The following PPP1R36 variants were observed in gnomAD, a reference collection of about 807,000 sequenced individuals.
PPP1R36 encodes chromosome 14 open reading frame 50.
In PPP1R36, 47 loss-of-function variants were observed where a neutral mutation model predicts 53.4. The ratio of observed to expected loss-of-function variants is 0.88; its 90% CI spans 0.70 to 1.12. The LOEUF is 1.12. Among genes scored for constraint, PPP1R36 ranks in the 50% most tolerant of loss-of-function variants. The pLI is 0.00. For synonymous variants in PPP1R36, 153 were observed against 170.5 expected (o/e 0.90, Z 0.80); for missense variants, 456 against 513.9 (o/e 0.89, Z 1.09).
chr14:64,563,727 A>G (rs1455511488), intron 3 of PPP1R36, among the ~76,000 whole-genome samples: 1 of 152,206 alleles, frequency 6.6e-6, no homozygotes, highest in Non-Finnish European at 1.5e-5. Flanking sequence ...GTTGAGGGGA[A>G]GTGCTTCTAT....
chr14:64,586,838 G>A lies in PPP1R36; in HGVS notation c.670G>A (p.Glu224Lys). ...TAGTTGTGACTTGTTATATTACAGG[G>A]AGAAAATATCAGATACACAGAAAGA... Reference protein sequence around the residue: ...PDKHHMCCGKEKISDTQKDWK... With the variant: ...PDKHHMCCGKKKISDTQKDWK... The change falls in exon 9 of 12, where the codon GAG becomes AAG. Residue 224 changes from glutamate (E) to lysine (K), a missense_variant and splice_region_variant. Coordinates refer to ENST00000298705, the MANE Select transcript of PPP1R36 (RefSeq NM_172365.3). 1 of 1,610,100 alleles carries A rather than the reference G, an allele frequency of 6.2e-7. No individual in the cohort carries two copies. Among genetic ancestry groups the A allele is most frequent in the African/African-American group, 1.3e-5 (1 of 74,938 alleles).
chr14:64,587,519 G>T (rs772839103), intron 10 of PPP1R36, 147 bp downstream of exon 10: 17 of 488,122 alleles, frequency 3.5e-5, no homozygotes, highest in Non-Finnish European at 4.8e-5. Flanking sequence ...GGAGTGCAGT[G>T]GCACAAGCTT....
At chr14:64,551,157 A>G (rs1448376521) in intron 2 of PPP1R36, among the ~76,000 whole-genome samples, 172 bp downstream of exon 2, 2 of 152,228 alleles carry the variant, frequency 1.3e-5, no homozygotes, top group African/African-American at 2.4e-5. Flanking sequence ...GCTGCTTCAC[A>G]TGGACCAGAC....
chr14:64,578,945 A>G (rs945826326), intron 8 of PPP1R36, among the ~76,000 whole-genome samples: 4 of 152,260 alleles, frequency 2.6e-5, no homozygotes, highest in Non-Finnish European at 5.9e-5. Flanking sequence ...GAATGAGATC[A>G]TGCCTTCTGT....
Position 64,589,202 on chromosome 14 carries a change from AC to A in PPP1R36, c.1138del (p.Asp381IlefsTer15), listed in dbSNP as rs767838647. The A allele has an allele frequency of 1.2e-6, 2 of 1,613,702 alleles. No homozygotes were observed. Among genetic ancestry groups the A allele is most frequent in the Non-Finnish European group, 1.7e-6 (2 of 1,179,916 alleles). Reference protein sequence around the residue: ...PRCLFNPHTLHPLDPEENTKS... With the variant: ...PRCLFNPHTLXPLDPEENTKS... Reference sequence around the variant, plus strand: ...TGTCTATTCAACCCACATACGCTTCACCCCCTTGATCCAGAAGAAAACACAA... The same window carrying A: ...TGTCTATTCAACCCACATACGCTTCACCCCTTGATCCAGAAGAAAACACAA... On this transcript the variant is annotated frameshift_variant, in exon 12 of 12. Transcript: ENST00000298705. LOFTEE classifies it low-confidence loss of function (END_TRUNC).
chr14:64,586,752 C>T, intron 8 of PPP1R36, 85 bp from the exon 9 acceptor site: 4 of 896,408 alleles, frequency 4.5e-6, no homozygotes, highest in East Asian at 5.0e-5. Flanking sequence ...AGATAATGAC[C>T]CTAACTTTAG....
chr14:64,560,103 C>CAAAAAAAAAAAAAA (rs1171697200), intron 3 of PPP1R36, among the ~76,000 whole-genome samples: 7 of 27,474 alleles, frequency 2.5e-4, no homozygotes, highest in Non-Finnish European at 5.1e-4. Context: ...GAATCTGTCA[C>CAAAAAAAAAAAAAA]AAAAAAAAAA....
intron 3 of PPP1R36, among the ~76,000 whole-genome samples, chr14:64,562,911 G>C (rs2080215968): frequency 6.6e-6 from 1 of 151,998 alleles, no homozygotes. Context: ...TTGTTGCCCA[G>C]GCTGGAGTGA....
chr14:64,589,023 A>G (rs373893552), intron 11 of PPP1R36, 129 bp from the exon 12 acceptor site: 5 of 611,936 alleles, frequency 8.2e-6, no homozygotes. Context: ...AAAAAGAGAG[A>G]AAGAGTATAT....
chr14:64,583,896 T>C (rs1596748420), intron 8 of PPP1R36, among the ~76,000 whole-genome samples: 1 of 139,670 alleles, frequency 7.2e-6, no homozygotes, highest in African/African-American at 2.6e-5. Flanking sequence ...TCATGTTACC[T>C]CCTCTTTTTT....
rs2080461386 is a variant in PPP1R36 at position 64,589,002 on chromosome 14, G to T, written c.1083-150G>T. ...CTACAGTGGTAGTTCATGGAAACAGGGAAAGTTTTTAAAAAGAGAGAAAGA... is the reference window on the plus strand; with the variant it reads ...CTACAGTGGTAGTTCATGGAAACAGTGAAAGTTTTTAAAAAGAGAGAAAGA... On this transcript the variant is annotated intron_variant, in intron 11 of 11. Transcript: ENST00000298705. The T allele has an allele frequency of 7.1e-6, 4 of 563,646 alleles. No individual in the cohort carries two copies. In the East Asian group the frequency reaches 1.3e-4, roughly 18 times the overall value. The allele number at this position is 563,646 out of a possible 1,614,324, so 34.9% of individuals were successfully genotyped here. A position where few individuals can be genotyped will look rare whatever the true frequency, so the allele number is the denominator to read the frequency against.
At position 64,579,934 on chromosome 14, in the gene PPP1R36, C is replaced by T. The variant is rs148673488; in HGVS notation, c.668+5345C>T. 2.0e-3 allele frequency among the ~76,000 whole-genome samples: 301 copies of T among 152,184 alleles called. 1 individual carries two copies. Among genetic ancestry groups the T allele is most frequent in the African/African-American group, 6.9e-3 (286 of 41,518 alleles). ...GCAGTGAGCTGAGATCGCGCCACTG[C>T]ACTCCAGCCTGGGCGACAGAGCGAG... On this transcript the variant is annotated intron_variant, in intron 8 of 11. Transcript: ENST00000298705.
At chr14:64,570,028 C>T (rs1376754437) in intron 7 of PPP1R36, among the ~76,000 whole-genome samples, 3 of 151,942 alleles carry the variant, frequency 2.0e-5, no homozygotes, top group Non-Finnish European at 2.9e-5. Context: ...TGTGAGTAAC[C>T]GTGCCTGGCC....
chr14:64,581,291 T>TGGCTCATGTACATGACTTCTA (rs1183667409), intron 8 of PPP1R36, among the ~76,000 whole-genome samples: 1 of 152,200 alleles, frequency 6.6e-6, no homozygotes, highest in Non-Finnish European at 1.5e-5. Context: ...GTGTTAGGTC[T>TGGCTCATGTACATGACTTCTA]GGCTCATGTA....
At chr14:64,581,135 A>G (rs1324593604) in intron 8 of PPP1R36, among the ~76,000 whole-genome samples, 1 of 152,262 alleles carries the variant, frequency 6.6e-6, no homozygotes, top group Non-Finnish European at 1.5e-5. Context: ...TTGTAAATCA[A>G]TACATAGAGG....
Position 64,587,351 on chromosome 14 carries a change from G to A in PPP1R36, c.869G>A (p.Arg290His), listed in dbSNP as rs768794636. 6.8e-6 allele frequency: 11 copies of A among 1,612,402 alleles called. No individual in the cohort carries two copies. Among genetic ancestry groups the A allele is most frequent in the Admixed American group, 1.7e-5 (1 of 59,860 alleles). Residue 290 changes from arginine (R) to histidine (H), a missense_variant, in exon 10 of 12, where the codon CGC becomes CAC. Physicochemically the swap from Arg to His is conservative, Grantham distance 29. Transcript: ENST00000298705. ...GAGGAATCAGGAGGGGAAAAGAAAC[G>A]CATGACTTTTGTTCAGTTCAGGTAT... ...EDEESGGEKK[R>H]MTFVQFRRMM...
intron 10 of PPP1R36, among the ~76,000 whole-genome samples, 193 bp from the exon 11 acceptor site, chr14:64,587,911 T>C (rs1376194654): frequency 6.6e-6 from 1 of 152,114 alleles, no homozygotes; most frequent in African/African-American, 2.4e-5. Context: ...CTGGCTACTT[T>C]TTAAAATTTT....
intron 3 of PPP1R36, among the ~76,000 whole-genome samples, chr14:64,559,846 G>C (rs1349693437): frequency 2.6e-5 from 4 of 152,188 alleles, no homozygotes; most frequent in African/African-American, 9.6e-5. Flanking sequence ...GCTCACGCCT[G>C]TAATCCCAGC....
At position 64,550,655 on chromosome 14, in the gene PPP1R36, CCTCT is replaced by C. The variant is rs1487857777; in HGVS notation, c.70-264_70-261del. Among the ~76,000 whole-genome samples the C allele has an allele frequency of 2.6e-5, 4 of 152,276 alleles. No individual in the cohort carries two copies. In the South Asian group the frequency reaches 8.3e-4, roughly 32 times the overall value. On this transcript the variant is annotated intron_variant, in intron 1 of 11. Coordinates refer to ENST00000298705, the MANE Select transcript of PPP1R36 (RefSeq NM_172365.3). ...TCCTACTTTCCTCCCTTCCTTTCTC[CCTCT>C]CCCTCCTTCCTGCCGTTCTACTGAA...
Sources: gnomAD v4.1 joint callset for allele counts (sites outside exome capture counted in the v4.1 genomes callset) on GRCh38, gnomAD v4.1.1 for gene constraint, MANE v1.5 for transcripts, NCBI Gene and HGNC (gene_info 2026-07-23, HGNC 2026-07-21) for gene names.